FAM3B: variants seen among roughly 807,000 people sequenced by gnomAD.
FAM3B encodes the protein FAM3 metabolism regulating signaling molecule B.
In FAM3B, 29 loss-of-function variants were observed where a neutral mutation model predicts 28.4. The observed-to-expected ratio is 1.02, with a 90% CI of 0.76 to 1.39. FAM3B has a LOEUF of 1.39. Among genes scored for constraint, FAM3B ranks in the 40% most tolerant of loss-of-function variants. FAM3B has a pLI of 0.00. For missense variants in FAM3B, 266 were observed against 293.9 expected, an observed-to-expected ratio of 0.91 and a Z score of 0.69; for synonymous variants, 91 against 103.0, an observed-to-expected ratio of 0.88 and a Z score of 0.71.
intron 3 of FAM3B, among the ~76,000 whole-genome samples, chr21:41,340,061 C>A (rs1405567373): frequency 6.6e-6 from 1 of 151,754 alleles, no homozygotes; most frequent in African/African-American, 2.4e-5. Flanking sequence ...GGCGGGGGAG[C>A]CTGAAGTTCT....
chr21:41,327,891 A>G (rs925776869), intron 2 of FAM3B, among the ~76,000 whole-genome samples: 1 of 151,980 alleles, frequency 6.6e-6, no homozygotes, highest in South Asian at 2.1e-4. Flanking sequence ...CATGCCATCC[A>G]CCTCTGTGAG....
chr21:41,334,269 G>T (rs1325877225), intron 2 of FAM3B, among the ~76,000 whole-genome samples: 1 of 152,206 alleles, frequency 6.6e-6, no homozygotes, highest in Non-Finnish European at 1.5e-5. Flanking sequence ...GTAAAAAGAA[G>T]CCAAGTGCTA....
At chr21:41,321,411 C>T (rs549285709) in intron 1 of FAM3B, among the ~76,000 whole-genome samples, 1 of 152,196 alleles carries the variant, frequency 6.6e-6, no homozygotes, top group Non-Finnish European at 1.5e-5. Flanking sequence ...TGGCTGAGCA[C>T]AACCGTTGGC....
intron 7 of FAM3B, among the ~76,000 whole-genome samples, chr21:41,353,483 A>T (rs898438830): frequency 2.6e-5 from 4 of 152,188 alleles, no homozygotes; most frequent in African/African-American, 9.7e-5. Context: ...TAGAATTGAG[A>T]CTCCAGCAGA....
intron 2 of FAM3B, among the ~76,000 whole-genome samples, chr21:41,337,808 G>A (rs920143518): frequency 4.0e-5 from 6 of 151,094 alleles, no homozygotes; most frequent in African/African-American, 1.5e-4. Context: ...GCTGTATATG[G>A]TGTGTGTGTG....
chr21:41,343,251 T>G (rs2089023728), intron 3 of FAM3B, among the ~76,000 whole-genome samples: 1 of 152,228 alleles, frequency 6.6e-6, no homozygotes, highest in Non-Finnish European at 1.5e-5. Context: ...CAAATTCTCC[T>G]TGGTTAAAAG....
upstream of FAM3B, among the ~76,000 whole-genome samples, chr21:41,313,074 G>A (rs943476642): frequency 6.6e-6 from 1 of 152,194 alleles, no homozygotes; most frequent in Admixed American, 6.5e-5. Flanking sequence ...CTGAAAGCAG[G>A]CTTCTCGAGG....
intron 7 of FAM3B, among the ~76,000 whole-genome samples, chr21:41,352,153 C>A (rs1568924295): frequency 6.6e-6 from 1 of 152,204 alleles, no homozygotes; most frequent in Non-Finnish European, 1.5e-5. Flanking sequence ...GCTTTGTGTG[C>A]TCAACACTCC....
At chr21:41,313,756 G>T (rs975031532), upstream of FAM3B, among the ~76,000 whole-genome samples, 3 of 152,040 alleles carry the variant, frequency 2.0e-5, no homozygotes, top group Non-Finnish European at 2.9e-5. Flanking sequence ...TATGCATGTC[G>T]CATTTGAGAG....
chr21:41,339,274 G>C (rs2088983138), intron 3 of FAM3B, among the ~76,000 whole-genome samples: 1 of 152,012 alleles, frequency 6.6e-6, no homozygotes, highest in Non-Finnish European at 1.5e-5. Context: ...CTTCTTGAGT[G>C]GGCCCCATTT....
At chr21:41,346,736 C>A (rs1007774399) in intron 5 of FAM3B, among the ~76,000 whole-genome samples, 1 of 152,018 alleles carries the variant, frequency 6.6e-6, no homozygotes, top group Non-Finnish European at 1.5e-5. Flanking sequence ...AGCTCCTTAT[C>A]TTGACCCCCT....
rs757368 is a variant in FAM3B at position 41,357,664 on chromosome 21, C to G, written c.*467C>G. Among the ~76,000 whole-genome samples, 33,608 of 152,114 alleles carry G rather than the reference C, an allele frequency of 0.22. 5,674 individuals are homozygous for G. Among genetic ancestry groups the G allele is most frequent in the African/African-American group, 0.47 (19,578 of 41,434 alleles). ...TATGTTATGTCCTTGTTCAACTCAA[C>G]TTGAGCTCTTGAACTCCTCCTGTGG... is the stretch of plus-strand genomic sequence containing the variant. On this transcript the variant is annotated 3_prime_UTR_variant, in exon 8 of 8. Transcript: ENST00000357985.
intron 1 of FAM3B, chr21:41,320,745 A>G (rs2088795333): frequency 6.6e-6 from 1 of 152,214 alleles, no homozygotes. Flanking sequence ...CATTGGATGC[A>G]TCCCTCACCC....
intron 3 of FAM3B, 73 bp downstream of exon 3, chr21:41,338,574 C>T (rs1376611063): frequency 1.3e-6 from 2 of 1,584,338 alleles, no homozygotes; most frequent in Non-Finnish European, 8.6e-7. Flanking sequence ...GCTGACCAAG[C>T]AGCAGTTCTG....
At chr21:41,346,795 C>T (rs547073574) in intron 5 of FAM3B, among the ~76,000 whole-genome samples, 3 of 152,242 alleles carry the variant, frequency 2.0e-5, no homozygotes, top group African/African-American at 7.2e-5. Flanking sequence ...TCTTTTCCTT[C>T]TACGCTGTGC....
chr21:41,321,327 G>T (rs111437610), intron 1 of FAM3B, among the ~76,000 whole-genome samples: 1 of 152,230 alleles, frequency 6.6e-6, no homozygotes, highest in South Asian at 2.1e-4. Context: ...TGGCTGGGCT[G>T]TGTAGGGGAG....
chr21:41,338,526 A>G (rs2088976181), intron 3 of FAM3B, 25 bp downstream of exon 3: 1 of 1,613,214 alleles, frequency 6.2e-7, no homozygotes, highest in Non-Finnish European at 8.5e-7. Flanking sequence ...TTAGAAGGAA[A>G]ATAAAGCGAT....
intron 4 of FAM3B, among the ~76,000 whole-genome samples, chr21:41,345,281 G>A (rs1021399104): frequency 4.1e-5 from 6 of 145,996 alleles, no homozygotes; most frequent in African/African-American, 1.0e-4. Context: ...GGGATGAGGC[G>A]GGTGGGCCTG....
intron 1 of FAM3B, among the ~76,000 whole-genome samples, chr21:41,311,037 G>T (rs927480281): frequency 1.3e-5 from 2 of 150,956 alleles, no homozygotes; most frequent in Non-Finnish European, 2.9e-5. Context: ...TGTCCCTTTC[G>T]TTTCCAATGG....
Sources: gnomAD v4.1 joint callset for allele counts (sites outside exome capture counted in the v4.1 genomes callset) on GRCh38, gnomAD v4.1.1 for gene constraint, MANE v1.5 for transcripts, NCBI Gene and HGNC (gene_info 2026-07-23, HGNC 2026-07-21) for gene names.